The following FMN2 variants were observed in gnomAD, a reference collection of about 807,000 sequenced individuals.
The protein encoded by FMN2 is formin 2.
In FMN2, 51 loss-of-function variants were observed where a neutral mutation model predicts 142.3. That is an observed-to-expected ratio of 0.36 (90% CI 0.29 to 0.45). The LOEUF (loss-of-function observed/expected upper bound fraction) is 0.45, where lower values mean the gene tolerates loss of function less well. FMN2 is among the 20% of genes least tolerant of loss of function. FMN2 has a pLI of 1.00. For missense variants in FMN2, 1,936 were observed against 2,122.8 expected (o/e 0.91, Z 1.73); for synonymous variants, 882 against 869.8 (o/e 1.01, Z -0.25).
At chr1:240,271,919 G>A (rs757865216) in intron 7 of FMN2, among the ~76,000 whole-genome samples, 1 of 152,040 alleles carries the variant, frequency 6.6e-6, no homozygotes, top group African/African-American at 2.4e-5. Flanking sequence ...AAAAAACTTG[G>A]GTTGAGCTTA....
intron 3 of FMN2, among the ~76,000 whole-genome samples, chr1:240,178,920 T>C (rs1452746566): frequency 6.6e-6 from 1 of 152,196 alleles, no homozygotes; most frequent in Non-Finnish European, 1.5e-5. Context: ...TGATTTTTTT[T>C]TTCTCATTGG....
rs546950495 is a variant in FMN2 at position 240,430,922 on chromosome 1, T to G, written c.4911-7139T>G. Among the ~76,000 whole-genome samples the G allele has an allele frequency of 4.5e-3, 688 of 151,990 alleles. 4 individuals carry two copies. The highest frequency in any genetic ancestry group is 0.016 in the African/African-American group (652 of 41,486). On this transcript the variant is annotated intron_variant, in intron 15 of 17. Transcript: ENST00000319653. ...TTTTTTTTAAAAATGTATTTCTTTTTTGCTATTTCATATGCTTTACATTTT... is the reference window on the plus strand; with the variant it reads ...TTTTTTTTAAAAATGTATTTCTTTTGTGCTATTTCATATGCTTTACATTTT...
chr1:240,331,676 C>T (rs1671382195), intron 11 of FMN2, among the ~76,000 whole-genome samples: 1 of 152,102 alleles, frequency 6.6e-6, no homozygotes, highest in Admixed American at 6.6e-5. Context: ...AGATGCTTCT[C>T]AACATAAAAT....
At chr1:240,211,024 T>C in intron 5 of FMN2, 67 bp from the exon 6 acceptor site, 1 of 1,473,342 alleles carries the variant, frequency 6.8e-7, no homozygotes, top group Non-Finnish European at 9.1e-7. Context: ...TCTTCCTTTC[T>C]ATTTATGCTT....
intron 16 of FMN2, among the ~76,000 whole-genome samples, chr1:240,468,619 C>T (rs1004195938): frequency 2.6e-5 from 4 of 152,198 alleles, no homozygotes; most frequent in Non-Finnish European, 5.9e-5. Flanking sequence ...AATGTTATCT[C>T]CACCATGCCT....
At chr1:240,436,585 G>A (rs1271524106) in intron 15 of FMN2, among the ~76,000 whole-genome samples, 2 of 151,690 alleles carry the variant, frequency 1.3e-5, no homozygotes, top group South Asian at 2.1e-4. Flanking sequence ...GCTGAGGCAG[G>A]AGAATCGCTT....
chr1:240,329,537 A>G, intron 10 of FMN2, 69 bp downstream of exon 10: 1 of 1,555,636 alleles, frequency 6.4e-7, no homozygotes, highest in Non-Finnish European at 8.7e-7. Flanking sequence ...TTCTTATTTC[A>G]GAAAAGCATT....
chr1:240,408,713 C>T (rs546245519), intron 15 of FMN2, among the ~76,000 whole-genome samples: 1 of 151,928 alleles, frequency 6.6e-6, no homozygotes, highest in Non-Finnish European at 1.5e-5. Flanking sequence ...TTTTAATATT[C>T]AATCTATGAA....
intron 2 of FMN2, chr1:240,143,399 C>T (rs879147994): frequency 2.8e-5 from 40 of 1,428,768 alleles, no homozygotes; most frequent in Non-Finnish European, 3.7e-5. Context: ...ATCTCCCCCA[C>T]AGCAATAAGG....
At chr1:240,417,616 A>C (rs1367127357) in intron 15 of FMN2, among the ~76,000 whole-genome samples, 1 of 151,520 alleles carries the variant, frequency 6.6e-6, no homozygotes, top group African/African-American at 2.4e-5. Context: ...TTTCTTTCTC[A>C]TTTTCTTTTA....
At chr1:240,172,514 A>G (rs1357953429) in intron 2 of FMN2, among the ~76,000 whole-genome samples, 1 of 152,136 alleles carries the variant, frequency 6.6e-6, no homozygotes, top group African/African-American at 2.4e-5. Context: ...ATTACATTTG[A>G]ATATCACCAT....
intron 8 of FMN2, among the ~76,000 whole-genome samples, chr1:240,307,433 G>A (rs538070307): frequency 1.3e-5 from 2 of 152,162 alleles, no homozygotes; most frequent in Admixed American, 6.5e-5. Flanking sequence ...GTGGTAAGAG[G>A]TAGTGGTCCG....
chr1:240,418,640 T>C (rs1674661881), intron 15 of FMN2, among the ~76,000 whole-genome samples: 1 of 152,250 alleles, frequency 6.6e-6, no homozygotes. Flanking sequence ...AATAATTCTT[T>C]GCATTTTTTG....
chr1:240,172,162 C>T (rs1363916441), intron 2 of FMN2, among the ~76,000 whole-genome samples: 1 of 151,576 alleles, frequency 6.6e-6, no homozygotes, highest in Non-Finnish European at 1.5e-5. Context: ...ATACCCTATT[C>T]GGGAAAATAA....
chr1:240,318,029 T>C (rs950514949), intron 8 of FMN2, among the ~76,000 whole-genome samples: 2 of 152,226 alleles, frequency 1.3e-5, no homozygotes, highest in Admixed American at 6.5e-5. Flanking sequence ...TTGTCATCCA[T>C]GTATTCTCTC....
At chr1:240,166,203 A>T (rs889850640) in intron 2 of FMN2, among the ~76,000 whole-genome samples, 1 of 150,752 alleles carries the variant, frequency 6.6e-6, no homozygotes, top group Non-Finnish European at 1.5e-5. Flanking sequence ...ATTATACGTT[A>T]TGTAGCCATT....
At chr1:240,194,008 C>A (rs1269216891) in intron 4 of FMN2, among the ~76,000 whole-genome samples, 1 of 152,080 alleles carries the variant, frequency 6.6e-6, no homozygotes, top group African/African-American at 2.4e-5. Flanking sequence ...TTGTTCCAAC[C>A]CTAAAAAATA....
At chr1:240,201,469 G>T (rs1666118991) in intron 4 of FMN2, among the ~76,000 whole-genome samples, 1 of 152,128 alleles carries the variant, frequency 6.6e-6, no homozygotes, top group African/African-American at 2.4e-5. Flanking sequence ...TGTGACAGAT[G>T]TATTTAAAAA....
rs1403874530 is a variant in FMN2 at position 240,208,686 on chromosome 1, C to A, written c.3874C>A (p.Pro1292Thr). The A allele has an allele frequency of 1.9e-6, 3 of 1,613,698 alleles. No individual in the cohort carries two copies. The highest frequency in any genetic ancestry group is 3.3e-5 in the Admixed American group (2 of 60,016). The stretch of plus-strand genomic sequence containing the variant: ...GAAGCAGCCCATAGAGCCTTGTCGA[C>A]CAATGAAGCCTCTTTACTGGACCAG... Reference protein sequence around the residue: ...SRKQPIEPCRPMKPLYWTRIQ... With the variant: ...SRKQPIEPCRTMKPLYWTRIQ... The change falls in exon 5 of 18, where the codon CCA becomes ACA. Residue 1292 changes from proline to threonine, a missense_variant. Pro to Thr is a conservative substitution (Grantham distance 38). Around this residue, in one of 8 missense-constraint regions of FMN2, gnomAD observed 259 missense variants for 230.9 expected, o/e 1.12. Transcript: ENST00000319653.
Sources: allele counts gnomAD v4.1 joint callset (sites outside exome capture counted in the v4.1 genomes callset), GRCh38; gene constraint gnomAD v4.1.1; regional missense constraint gnomAD v4.1.1; transcripts MANE v1.5; gene names NCBI Gene and HGNC (gene_info 2026-07-23, HGNC 2026-07-21).